The following MYH13 variants were observed in gnomAD, a reference collection of about 807,000 sequenced individuals.
MYH13 encodes the protein myosin-13.
Under a neutral mutation model 232.1 loss-of-function variants are expected in MYH13, and 177 were observed. That is an observed-to-expected ratio of 0.76 (90% CI 0.67 to 0.86). MYH13 has a LOEUF of 0.86. Ranked by LOEUF, MYH13 falls within the 40% of genes least tolerant of loss-of-function variation. The pLI is 0.00. For synonymous variants in MYH13, 884 were observed against 923.5 expected (o/e 0.96, Z 0.78); for missense variants, 2,246 against 2,405.9 (o/e 0.93, Z 1.39).
chr17:10,360,305 C>G (rs2071782207), intron 5 of MYH13, 117 bp from the exon 6 acceptor site: 1 of 1,212,580 alleles, frequency 8.2e-7, no homozygotes, highest in Non-Finnish European at 1.2e-6. Context: ...TTGCCATTAA[C>G]CACTGGTATG....
Position 10,301,580 on chromosome 17 carries a change from C to A in MYH13, c.5791G>T (p.Val1931Leu). The change falls in exon 40 of 41, where the codon GTG becomes TTG. Residue 1931 changes from valine to leucine, a missense_variant. Physicochemically the swap from Val to Leu is conservative, Grantham distance 32. Transcript: ENST00000252172. ...VNKLRAKSRD[V>L]GSQKMEE ...GTACCTGCTCTTACCTGGCTGCCCA[C>A]GTCTCGGCTCTTGGCCCTCAGCTTG... is the stretch of plus-strand genomic sequence containing the variant. The A allele has an allele frequency of 1.2e-6, 2 of 1,614,184 alleles. No individual in the cohort carries two copies. The highest frequency in any genetic ancestry group is 1.7e-6 in the Non-Finnish European group (2 of 1,180,034).
intron 2 of MYH13, among the ~76,000 whole-genome samples, chr17:10,365,881 G>A (rs1264822410): frequency 1.4e-5 from 2 of 138,508 alleles, no homozygotes; most frequent in Non-Finnish European, 3.2e-5. Context: ...GTGTGTGTGT[G>A]TGTGTATGGG....
At position 10,350,618 on chromosome 17, in the gene MYH13, T is replaced by C. The variant is rs761494407; in HGVS notation, c.1082A>G (p.Tyr361Cys). 1.2e-6 allele frequency: 2 copies of C among 1,613,832 alleles called. No homozygotes were observed. The highest frequency in any genetic ancestry group is 1.7e-6 in the Non-Finnish European group (2 of 1,179,962). ...CTTCTGCTTGAACTTCATGTTCCCA[T>C]AATGCATCACGGCTCCCGTCAGTTT... ...IYKLTGAVMHYGNMKFKQKQR... is the reference protein window; with the variant it reads ...IYKLTGAVMHCGNMKFKQKQR... The change falls in exon 12 of 41, where the codon TAT becomes TGT. Residue 361 changes from tyrosine (Y) to cysteine (C), a missense_variant. Physicochemically the swap from Tyr to Cys is radical, Grantham distance 194 (BLOSUM62 -2). Coordinates refer to ENST00000252172, the MANE Select transcript of MYH13 (RefSeq NM_003802.3).
rs1906175060 is a variant in MYH13, at chr17:10,303,473, T to C, written c.5492A>G (p.Asp1831Gly). The C allele has an allele frequency of 6.2e-7, 1 of 1,613,954 alleles. No individual in the cohort carries two copies. Among genetic ancestry groups the C allele is most frequent in the East Asian group, 2.2e-5 (1 of 44,884 alleles). The change falls in exon 38 of 41, where the codon GAT (aspartate) becomes GGT (glycine). Residue 1831 changes from aspartate to glycine, a missense_variant. Physicochemically the swap from Asp to Gly is moderately conservative, Grantham distance 94 (BLOSUM62 -1). Coordinates refer to ENST00000252172, the MANE Select transcript of MYH13 (RefSeq NM_003802.3). ...NRVRELENEL[D>G]VEQKRGAEAL... is the part of the protein sequence containing the mutation. ...TTCAGCTCCCCTCTTCTGTTCCACA[T>C]CAAGCTCATTTTCCAGCTCCCGCAC...
chr17:10,358,427 G>A (rs530513510), intron 7 of MYH13, among the ~76,000 whole-genome samples: 6 of 152,230 alleles, frequency 3.9e-5, no homozygotes, highest in African/African-American at 1.4e-4. Context: ...GGTTCTCAAA[G>A]TGTGGTCCCT....
In MYH13 at chr17:10,354,948, C is replaced by T; in HGVS notation, c.848G>A (p.Arg283Lys). 1 of 1,608,940 alleles carries T rather than the reference C, an allele frequency of 6.2e-7. No homozygotes were observed. Among genetic ancestry groups the T allele is most frequent in the South Asian group, 1.1e-5 (1 of 90,958 alleles). ...AATTTGGTAGAAAATATGATAGCTTCTCTCACTGGATAATTGAAACGTCAC... is the reference window on the plus strand; with the variant it reads ...AATTTGGTAGAAAATATGATAGCTTTTCTCACTGGATAATTGAAACGTCAC... The part of the protein sequence containing the change: ...SRVTFQLSSE[R>K]SYHIFYQIMS... Residue 283 changes from arginine to lysine, a missense_variant, in exon 10 of 41, where the codon AGA becomes AAA. Coordinates refer to ENST00000252172, the MANE Select transcript of MYH13 (RefSeq NM_003802.3).
At chr17:10,338,850 G>A (rs1302921970) in intron 18 of MYH13, among the ~76,000 whole-genome samples, 4 of 151,954 alleles carry the variant, frequency 2.6e-5, no homozygotes, top group Non-Finnish European at 5.9e-5. Context: ...ACAGGCGCCC[G>A]CCACCACGCC....
chr17:10,355,034 A>T, intron 9 of MYH13, 41 bp from the exon 10 acceptor site: 1 of 1,610,802 alleles, frequency 6.2e-7, no homozygotes, highest in Non-Finnish European at 8.5e-7. Flanking sequence ...CTCCCAAGAG[A>T]TGCTTTTGTG....
intron 26 of MYH13, among the ~76,000 whole-genome samples, chr17:10,319,494 GC>G (rs1567659438): frequency 7.6e-6 from 1 of 130,896 alleles, no homozygotes; most frequent in Non-Finnish European, 1.6e-5. Flanking sequence ...GGGTGACAGA[GC>G]AAGACTCGGT....
At position 10,309,553 on chromosome 17, in the gene MYH13, T is replaced by C. The variant is rs1456449161; in HGVS notation, c.4934A>G (p.Lys1645Arg). The C allele has an allele frequency of 2.5e-6, 4 of 1,612,712 alleles. No homozygotes were observed. The highest frequency in any genetic ancestry group is 3.4e-6 in the Non-Finnish European group (4 of 1,179,494). ...CTGGCCCTGGACCGTGCGCAGATGC[T>C]TCTGGGTCTCTGCCATCTGGCGGTT... ...HSNRQMAETQKHLRTVQGQLK... is the reference protein window; with the variant it reads ...HSNRQMAETQRHLRTVQGQLK... The change falls in exon 34 of 41, where the codon AAG becomes AGG. Residue 1645 changes from lysine (K) to arginine (R), a missense_variant. Transcript: ENST00000252172.
chr17:10,308,340 AAAAG>A (rs1484125225), intron 35 of MYH13, among the ~76,000 whole-genome samples: 249 of 151,688 alleles, frequency 1.6e-3, no homozygotes, highest in Non-Finnish European at 3.1e-3. Flanking sequence ...AAAAAAAAAA[AAAAG>A]ATGTCAAAAT....
At position 10,300,944 on chromosome 17, in the gene MYH13, G is replaced by A. The variant is rs907445692; in HGVS notation, c.*7C>T. 2.5e-6 allele frequency: 4 copies of A among 1,612,822 alleles called. No individual in the cohort carries two copies. The highest frequency in any genetic ancestry group is 3.4e-6 in the Non-Finnish European group (4 of 1,179,240). Reference sequence around the variant, plus strand: ...GGTGTCCCATGGCAACGAGCATCAGGTGAGCCTCATTCTTCCATCTTCTGT... The same window carrying A: ...GGTGTCCCATGGCAACGAGCATCAGATGAGCCTCATTCTTCCATCTTCTGT... On this transcript the variant is annotated 3_prime_UTR_variant, in exon 41 of 41. Coordinates refer to ENST00000252172, the MANE Select transcript of MYH13 (RefSeq NM_003802.3).
intron 18 of MYH13, among the ~76,000 whole-genome samples, chr17:10,333,708 A>T (rs1316893103): frequency 1.3e-5 from 2 of 152,210 alleles, no homozygotes; most frequent in Non-Finnish European, 2.9e-5. Context: ...GGAGCTCGAG[A>T]CCAGCCTGGC....
chr17:10,318,216 T>C (rs1567658956), intron 27 of MYH13, among the ~76,000 whole-genome samples: 2 of 152,224 alleles, frequency 1.3e-5, no homozygotes, highest in African/African-American at 4.8e-5. Context: ...CAATCCAGCC[T>C]GGGGAACAAG....
chr17:10,327,293 G>A (rs975892341), intron 22 of MYH13, among the ~76,000 whole-genome samples: 1 of 151,502 alleles, frequency 6.6e-6, no homozygotes, highest in Non-Finnish European at 1.5e-5. Context: ...GAGCCACCGC[G>A]CCCGGCCGCC....
At position 10,313,206 on chromosome 17, in the gene MYH13, T is replaced by G; in HGVS notation, c.4133A>C (p.Lys1378Thr). Residue 1378 changes from lysine (K) to threonine (T), a missense_variant, in exon 30 of 41, where the codon AAA becomes ACA. Coordinates refer to ENST00000252172, the MANE Select transcript of MYH13 (RefSeq NM_003802.3). ...ANSEVAQWRTKYETDAIQRTE... is the reference protein window; with the variant it reads ...ANSEVAQWRTTYETDAIQRTE... Reference sequence around the variant, plus strand: ...GCGCTGAATGGCGTCCGTCTCGTATTTGGTCCTCCACTGGGCAACCTCACT... The same window carrying G: ...GCGCTGAATGGCGTCCGTCTCGTATGTGGTCCTCCACTGGGCAACCTCACT... 6.2e-7 allele frequency: 1 copy of G among 1,614,196 alleles called. No individual in the cohort carries two copies. The highest frequency in any genetic ancestry group is 8.5e-7 in the Non-Finnish European group (1 of 1,180,030).
rs370185511 is a variant in MYH13, at chr17:10,345,287, T to G, written c.1499A>C (p.Gln500Pro). The stretch of plus-strand genomic sequence containing the variant: ...GATGCCTTCCTTCTTGTACTCTTCC[T>G]GCTCCAGCACGAACATGTGGTGGTT... The part of the protein sequence containing the change: ...FFNHHMFVLE[Q>P]EEYKKEGIEW... The change falls in exon 15 of 41, where the codon CAG (glutamine) becomes CCG (proline). Residue 500 changes from glutamine to proline, a missense_variant. Gln to Pro is a moderately conservative substitution (Grantham distance 76). Transcript: ENST00000252172. 8.1e-6 allele frequency: 13 copies of G among 1,614,056 alleles called. No individual in the cohort carries two copies. The highest frequency in any genetic ancestry group is 1.1e-5 in the Non-Finnish European group (13 of 1,179,996).
At chr17:10,312,211 T>C (rs1906532752) in intron 31 of MYH13, 135 bp from the exon 32 acceptor site, 2 of 991,574 alleles carry the variant, frequency 2.0e-6, no homozygotes, top group African/African-American at 3.3e-5. Flanking sequence ...GGAGGAGCAC[T>C]GTTCTAGATC....
intron 33 of MYH13, among the ~76,000 whole-genome samples, chr17:10,310,310 C>T (rs1476184754): frequency 2.0e-5 from 3 of 152,028 alleles, no homozygotes; most frequent in East Asian, 3.9e-4. Context: ...AGGCTGGTCT[C>T]GAACTCCTGA....
Sources: allele counts gnomAD v4.1 joint callset (sites outside exome capture counted in the v4.1 genomes callset), GRCh38; gene constraint gnomAD v4.1.1; transcripts MANE v1.5; gene names NCBI Gene and HGNC (gene_info 2026-07-23, HGNC 2026-07-21).